The following SCN8A variants were observed in gnomAD, a reference collection of about 807,000 sequenced individuals.
SCN8A encodes sodium voltage-gated channel alpha subunit 8.
SCN8A carries 30 observed loss-of-function variants against 184.1 expected under a neutral mutation model. The ratio of observed to expected loss-of-function variants is 0.16; its 90% confidence interval spans 0.12 to 0.22. The LOEUF is 0.22. Among genes scored for constraint, SCN8A ranks in the 10% least tolerant of loss-of-function variants. The probability of loss-of-function intolerance (pLI) is 1.00; values close to 1 mark genes in which losing one functional copy is unlikely to be tolerated. For synonymous variants in SCN8A, 852 were observed against 907.0 expected (o/e 0.94, Z 1.09); for missense variants, 1,057 against 2,498.9 (o/e 0.42, Z 12.30).
chr12:51,772,732 G>A (rs2138875681), intron 19 of SCN8A, among the ~76,000 whole-genome samples: 1 of 148,898 alleles, frequency 6.7e-6, no homozygotes, highest in Non-Finnish European at 1.5e-5. Context: ...TGTAATCCCA[G>A]CACTTTGGGA....
chr12:51,683,789 A>G (rs908054976), intron 2 of SCN8A, among the ~76,000 whole-genome samples: 11 of 152,328 alleles, frequency 7.2e-5, no homozygotes, highest in East Asian at 1.9e-4. Context: ...GACCATTCCC[A>G]AGCACCTAGA....
At chr12:51,708,042 C>T (rs921593163) in intron 11 of SCN8A, among the ~76,000 whole-genome samples, 1 of 152,166 alleles carries the variant, frequency 6.6e-6, no homozygotes, top group Non-Finnish European at 1.5e-5. Context: ...TATGTGATCA[C>T]CTTTGGCAGA....
At position 51,784,086 on chromosome 12, in the gene SCN8A, A is replaced by G. The variant is rs1278686086; in HGVS notation, c.3943-2456A>G. Among the ~76,000 whole-genome samples, 5 of 152,358 alleles carry G rather than the reference A, an allele frequency of 3.3e-5. No individual in the cohort carries two copies. In the South Asian group the frequency reaches 8.3e-4, roughly 25 times the overall value. On this transcript the variant is annotated intron_variant, in intron 21 of 26. Transcript: ENST00000627620. ...CCAGTGGAAATTTGAATTATCATTT[A>G]TAATATATCTTTAGTGTGAGAGTTC...
chr12:51,738,125 T>A (rs1297518703), intron 12 of SCN8A, among the ~76,000 whole-genome samples: 1 of 152,212 alleles, frequency 6.6e-6, no homozygotes, highest in African/African-American at 2.4e-5. Flanking sequence ...TTTTCCACTT[T>A]AAGCGGTTCT....
chr12:51,759,041 C>T (rs1008129853), intron 14 of SCN8A, among the ~76,000 whole-genome samples: 3 of 151,374 alleles, frequency 2.0e-5, no homozygotes, highest in African/African-American at 7.3e-5. Flanking sequence ...CAGCCACGTA[C>T]CACATAACAA....
intron 1 of SCN8A, among the ~76,000 whole-genome samples, chr12:51,595,184 A>T (rs959664790): frequency 2.0e-5 from 3 of 152,324 alleles, no homozygotes; most frequent in Admixed American, 2.0e-4. Flanking sequence ...TTAAAAAATA[A>T]TACTGTGCTC....
chr12:51,750,114 G>A (rs771447137), intron 13 of SCN8A, among the ~76,000 whole-genome samples: 1 of 152,098 alleles, frequency 6.6e-6, no homozygotes, highest in Non-Finnish European at 1.5e-5. Flanking sequence ...TCTTTGCTTT[G>A]GAAATGACCT....
intron 6 of SCN8A, among the ~76,000 whole-genome samples, chr12:51,694,970 G>C (rs879502021): frequency 2.0e-5 from 3 of 152,190 alleles, no homozygotes; most frequent in Admixed American, 6.5e-5. Flanking sequence ...CTAATGCAAG[G>C]AAGAAGAGTC....
chr12:51,636,249 G>A (rs1451337707), intron 1 of SCN8A, among the ~76,000 whole-genome samples: 1 of 152,164 alleles, frequency 6.6e-6, no homozygotes, highest in African/African-American at 2.4e-5. Context: ...GCCTGCCTCG[G>A]CCTCCCAAAG....
At position 51,809,239 on chromosome 12, in the gene SCN8A, C is replaced by T. The variant is rs984479454; in HGVS notation, c.*1810C>T. The T allele has an allele frequency of 3.3e-5, 5 of 152,180 alleles. No individual in the cohort carries two copies. The highest frequency in any genetic ancestry group is 1.5e-5 in the Non-Finnish European group (1 of 68,028). The allele number at this position is 152,180 out of a possible 1,614,324, so 9.4% of individuals were successfully genotyped here. The stretch of plus-strand genomic sequence containing the variant: ...ATGACTGGATTTCAAAGCCAAGATG[C>T]TGCAGTTGAATGTGTCAGGAAGTCT... On this transcript the variant is annotated 3_prime_UTR_variant, in exon 27 of 27. Coordinates refer to ENST00000627620, the MANE Select transcript of SCN8A (RefSeq NM_001330260.2).
intron 1 of SCN8A, among the ~76,000 whole-genome samples, chr12:51,599,167 C>T (rs1349343140): frequency 6.6e-6 from 1 of 152,060 alleles, no homozygotes; most frequent in Admixed American, 6.6e-5. Context: ...AAATATTTAG[C>T]GAGTAGCAAC....
chr12:51,742,745 G>A (rs545032808), intron 12 of SCN8A, among the ~76,000 whole-genome samples: 9 of 152,012 alleles, frequency 5.9e-5, no homozygotes, highest in African/African-American at 1.9e-4. Context: ...TCTTTCTCTA[G>A]GTTTGGCAAG....
intron 8 of SCN8A, among the ~76,000 whole-genome samples, chr12:51,701,815 G>A (rs1190553613): frequency 6.6e-6 from 1 of 152,146 alleles, no homozygotes; most frequent in African/African-American, 2.4e-5. Flanking sequence ...GGGTGGTAGT[G>A]TCATTTTGCA....
intron 11 of SCN8A, among the ~76,000 whole-genome samples, chr12:51,709,068 A>G (rs60490633): frequency 0.05 from 7,597 of 152,292 alleles, 276 homozygotes; most frequent in South Asian, 0.11. Context: ...TTTCTGGGAA[A>G]GGTAAATTTC....
chr12:51,701,035 G>T, intron 7 of SCN8A, 109 bp from the exon 8 acceptor site: 4 of 646,286 alleles, frequency 6.2e-6, no homozygotes, highest in Non-Finnish European at 2.8e-6. Context: ...AAAGATTTAT[G>T]AGCTAAAGTC....
intron 1 of SCN8A, among the ~76,000 whole-genome samples, chr12:51,635,539 G>C (rs1181435550): frequency 6.6e-6 from 1 of 152,216 alleles, no homozygotes; most frequent in Non-Finnish European, 1.5e-5. Context: ...GGAGCCATTT[G>C]ATGGGAAACT....
chr12:51,769,048 G>C lies in SCN8A; in HGVS notation c.3085G>C (p.Asp1029His), dbSNP rs1489318475. The C allele has an allele frequency of 6.2e-7, 1 of 1,614,026 alleles. No individual in the cohort carries two copies. The highest frequency in any genetic ancestry group is 8.5e-7 in the Non-Finnish European group (1 of 1,179,890). The change falls in exon 17 of 27, where the codon GAT becomes CAT. Residue 1029 changes from aspartate to histidine, a missense_variant. Around this residue, in one of 19 missense-constraint regions of SCN8A, gnomAD observed 178 missense variants for 259.6 expected, o/e 0.69. Transcript: ENST00000627620. ...MQAHFKQREADEVKPLDELYE... is the reference protein window; with the variant it reads ...MQAHFKQREAHEVKPLDELYE... ...GGCCCACTTTAAGCAGCGTGAGGCT[G>C]ATGAGGTGAAGCCTCTGGATGAGTT... is the stretch of plus-strand genomic sequence containing the variant.
intron 11 of SCN8A, among the ~76,000 whole-genome samples, chr12:51,711,740 AT>A (rs895115469): frequency 1.2e-4 from 17 of 141,800 alleles, no homozygotes; most frequent in Non-Finnish European, 2.2e-4. Flanking sequence ...AAATTTTGAG[AT>A]TTTTTTCATT....
intron 3 of SCN8A, among the ~76,000 whole-genome samples, chr12:51,685,462 A>T (rs1941404072): frequency 6.6e-6 from 1 of 152,174 alleles, no homozygotes; most frequent in South Asian, 2.1e-4. Flanking sequence ...ACTTGTGCTG[A>T]CCTAAAATAG....
Sources: gnomAD v4.1 joint callset for allele counts (sites outside exome capture counted in the v4.1 genomes callset) on GRCh38, gnomAD v4.1.1 for gene constraint, gnomAD v4.1.1 regional missense constraint, MANE v1.5 for transcripts, NCBI Gene and HGNC (gene_info 2026-07-23, HGNC 2026-07-21) for gene names.